MME: variants seen among roughly 807,000 people sequenced by gnomAD.
The protein encoded by MME is membrane metalloendopeptidase.
MME carries 98 observed loss-of-function variants against 113.2 expected under a neutral mutation model. That is an observed-to-expected ratio of 0.87 (90% CI 0.74 to 1.02). The LOEUF (loss-of-function observed/expected upper bound fraction) is 1.02. Ranked by LOEUF, MME falls within the 50% of genes least tolerant of loss-of-function variation. MME has a pLI of 0.00. For synonymous variants in MME, 292 were observed against 300.6 expected (o/e 0.97, Z 0.30); for missense variants, 836 against 896.0 (o/e 0.93, Z 0.86).
chr3:155,115,431 GTTT>G (rs1299147437), intron 4 of MME, among the ~76,000 whole-genome samples: 5 of 152,012 alleles, frequency 3.3e-5, no homozygotes, highest in Non-Finnish European at 7.4e-5. Context: ...TTGTTTGTTT[GTTT>G]GTTTGTTTTT....
At chr3:155,078,329 T>C (rs138353847), upstream of MME, among the ~76,000 whole-genome samples, 42 of 152,300 alleles carry the variant, frequency 2.8e-4, no homozygotes, top group East Asian at 7.2e-3. Context: ...GAGGACTAAA[T>C]AGTGTCTGTA....
intron 20 of MME, among the ~76,000 whole-genome samples, chr3:155,171,046 C>T (rs979322098): frequency 8.5e-4 from 129 of 152,248 alleles, no homozygotes; most frequent in African/African-American, 2.9e-3. Flanking sequence ...ACTCAATATT[C>T]CCATGGTGAT....
Position 155,116,540 on chromosome 3 carries a change from C to T in MME, c.420C>T (p.Tyr140=). The part of the protein sequence containing the change: ...IVAVQKAKAL[Y]RSCINESAID... ...CAGTGCAGAAAGCAAAAGCATTGTA[C>T]AGGTCTTGTATAAATGAATGTAAGT... The change falls in exon 5 of 23, where the codon TAC becomes TAT. Residue 140 remains tyrosine, a synonymous_variant. Coordinates refer to ENST00000360490, the MANE Select transcript of MME (RefSeq NM_007289.4). 1 of 1,610,616 alleles carries T rather than the reference C, an allele frequency of 6.2e-7. No homozygotes were observed. Among genetic ancestry groups the T allele is most frequent in the Non-Finnish European group, 8.5e-7 (1 of 1,177,664 alleles).
intron 8 of MME, among the ~76,000 whole-genome samples, chr3:155,132,902 A>C (rs1720248680): frequency 6.6e-6 from 1 of 151,208 alleles, no homozygotes; most frequent in African/African-American, 2.4e-5. Flanking sequence ...AAATACAAAA[A>C]ATTAGCCGGG....
intron 1 of MME, among the ~76,000 whole-genome samples, chr3:155,029,655 C>A (rs1056461019): frequency 2.0e-5 from 3 of 151,802 alleles, no homozygotes; most frequent in Admixed American, 6.6e-5. Flanking sequence ...GAGCAGTAGA[C>A]CCTGGCAAAA....
intron 1 of MME, among the ~76,000 whole-genome samples, chr3:155,082,833 A>G (rs7648713): frequency 0.02 from 3,114 of 152,254 alleles, 108 homozygotes; most frequent in African/African-American, 0.071. Flanking sequence ...CTTCAAATGT[A>G]GAATATGTTT....
chr3:155,097,361 C>T (rs987228740), intron 3 of MME, among the ~76,000 whole-genome samples: 6 of 151,832 alleles, frequency 4.0e-5, no homozygotes, highest in African/African-American at 7.3e-5. Flanking sequence ...CAAAAGAAAC[C>T]GAGAAGTAAT....
At chr3:155,136,973 T>C (rs934000035) in intron 8 of MME, among the ~76,000 whole-genome samples, 4 of 152,182 alleles carry the variant, frequency 2.6e-5, no homozygotes, top group African/African-American at 9.7e-5. Flanking sequence ...TAATAGGTAA[T>C]AATGGCTAAT....
At chr3:155,026,773 T>C (rs1712801197) in intron 1 of MME, among the ~76,000 whole-genome samples, 2 of 152,112 alleles carry the variant, frequency 1.3e-5, no homozygotes, top group African/African-American at 4.8e-5. Flanking sequence ...AGAAGCCTCT[T>C]AAGTAATACC....
At chr3:155,063,179 C>T (rs1714218591) in intron 1 of MME, among the ~76,000 whole-genome samples, 1 of 118,366 alleles carries the variant, frequency 8.4e-6, no homozygotes. Context: ...ATATTATATA[C>T]TTTGTAATAT....
At chr3:155,061,446 A>G (rs111917397) in intron 1 of MME, among the ~76,000 whole-genome samples, 5,971 of 139,906 alleles carry the variant, frequency 0.043, 145 homozygotes, top group African/African-American at 0.051. Context: ...GCGAGGCTCC[A>G]TCTCAAAAAA....
intron 3 of MME, among the ~76,000 whole-genome samples, chr3:155,092,529 T>C (rs75030813): frequency 0.015 from 2,220 of 152,272 alleles, 33 homozygotes; most frequent in South Asian, 0.054. Flanking sequence ...AAAACACATA[T>C]CCTCACAAGG....
rs1715576591 is a variant in MME, at chr3:155,085,234, A to G, written c.196+140A>G. 4.2e-5 allele frequency: 23 copies of G among 541,732 alleles called. No individual in the cohort carries two copies. The South Asian group carries it at 6.5e-4, about 15-fold the overall frequency. 33.6% of individuals were successfully genotyped at this position (541,732 alleles called of 1,614,324 possible). On this transcript the variant is annotated intron_variant, in intron 3 of 22. Coordinates refer to ENST00000360490, the MANE Select transcript of MME (RefSeq NM_007289.4). ...ATGTGTCTGGCTCTATAATCAATGG[A>G]AATAAAAATATATTTAAGTAGTAGA...
chr3:155,172,462 CCTCAACTTG>C lies in MME; in HGVS notation c.2077-68_2077-60del. 4.9e-6 allele frequency: 6 copies of C among 1,215,228 alleles called. No homozygotes were observed. In the South Asian group the frequency reaches 7.3e-5, roughly 15 times the overall value. The allele number at this position is 1,215,228 out of a possible 1,614,324, so 75.3% of individuals were successfully genotyped here. ...ATTCCAATTTAATTTTTCTCCTTCC[CCTCAACTTG>C]CTCAAACAAATAATCCTTGATTGAA... On this transcript the variant is annotated intron_variant, in intron 21 of 22. Coordinates refer to ENST00000360490, the MANE Select transcript of MME (RefSeq NM_007289.4).
At chr3:155,109,248 C>G (rs73010297) in intron 3 of MME, among the ~76,000 whole-genome samples, 1 of 152,068 alleles carries the variant, frequency 6.6e-6, no homozygotes, top group Non-Finnish European at 1.5e-5. Flanking sequence ...TACCTATAGG[C>G]ACAAGAGCCC....
At chr3:155,121,511 GC>G (rs1470323849) in intron 8 of MME, among the ~76,000 whole-genome samples, 1 of 143,620 alleles carries the variant, frequency 7.0e-6, no homozygotes, top group African/African-American at 2.5e-5. Flanking sequence ...CAAAGGGAAT[GC>G]TTCCAGTTTT....
At chr3:155,134,678 G>T (rs1426827281) in intron 8 of MME, among the ~76,000 whole-genome samples, 1 of 152,074 alleles carries the variant, frequency 6.6e-6, no homozygotes. Flanking sequence ...TGGGTCAAAT[G>T]GTAGTTCTAT....
At chr3:155,045,143 T>C (rs1261688811) in intron 1 of MME, among the ~76,000 whole-genome samples, 1 of 151,822 alleles carries the variant, frequency 6.6e-6, no homozygotes, top group Non-Finnish European at 1.5e-5. Context: ...TGATTTCTTC[T>C]TTATAAAAAG....
chr3:155,053,255 C>G (rs1004007705), intron 1 of MME, among the ~76,000 whole-genome samples: 2 of 152,196 alleles, frequency 1.3e-5, no homozygotes, highest in African/African-American at 4.8e-5. Flanking sequence ...CACCCATTCT[C>G]TGTGGTACCA....
Sources: gnomAD v4.1 joint callset for allele counts (sites outside exome capture counted in the v4.1 genomes callset) on GRCh38, gnomAD v4.1.1 for gene constraint, MANE v1.5 for transcripts, NCBI Gene and HGNC (gene_info 2026-07-23, HGNC 2026-07-21) for gene names.